Variants in CEP162 observed in about 807,000 individuals in gnomAD.
CEP162 encodes the protein centrosomal protein 162.
CEP162 carries 141 observed loss-of-function variants against 169.2 expected under a neutral mutation model. The observed-to-expected ratio is 0.83, with a 90% CI of 0.73 to 0.96. CEP162 has a LOEUF of 0.96. Among genes scored for constraint, CEP162 ranks in the 40% least tolerant of loss-of-function variants. The pLI is 0.00. For synonymous variants in CEP162, 540 were observed against 526.4 expected, an observed-to-expected ratio of 1.03 and a Z score of -0.35; for missense variants, 1,600 against 1,587.2, an observed-to-expected ratio of 1.01 and a Z score of -0.14.
Position 84,153,169 on chromosome 6 carries a change from T to A in CEP162, c.3005A>T (p.Glu1002Val). The A allele has an allele frequency of 6.3e-7, 1 of 1,590,108 alleles. No individual in the cohort carries two copies. Among genetic ancestry groups the A allele is most frequent in the Non-Finnish European group, 8.5e-7 (1 of 1,172,768 alleles). The change falls in exon 23 of 27, where the codon GAA (glutamate) becomes GTA (valine). Residue 1002 changes from glutamate to valine, a missense_variant. Transcript: ENST00000403245. ...QQFQKMKIQY[E>V]QRLEQQEQLL... ...CTGCTCCTGCTGCTCTAGTCTTTGT[T>A]CATACTGAATCTGAAGGAAAGAATC...
In CEP162 at chr6:84,152,732, T is replaced by TA. The variant is rs1268115065; in HGVS notation, c.3441dup (p.Asn1148Ter). 1 of 1,613,056 alleles carries TA rather than the reference T, an allele frequency of 6.2e-7. No individual in the cohort carries two copies. The highest frequency in any genetic ancestry group is 1.3e-5 in the African/African-American group (1 of 74,882). On this transcript the variant is annotated frameshift_variant, in exon 23 of 27. Transcript: ENST00000403245. LOFTEE classifies it high-confidence loss of function. ...CTGTCCAGGGTTCCAGGGAAGGAGT[T>TA]AGCATTTCCTTTACTTGAGTGCAAA...
At chr6:84,162,404 T>C (rs1462494739) in intron 19 of CEP162, among the ~76,000 whole-genome samples, 3 of 152,174 alleles carry the variant, frequency 2.0e-5, no homozygotes, top group Non-Finnish European at 1.5e-5. Flanking sequence ...GAAGCAAATG[T>C]CATTTTCTTA....
At chr6:84,154,888 C>T (rs2099522552) in intron 22 of CEP162, among the ~76,000 whole-genome samples, 1 of 152,238 alleles carries the variant, frequency 6.6e-6, no homozygotes. Context: ...AGATGCTCCC[C>T]TACCCGCTGT....
Position 84,202,609 on chromosome 6 carries a change from C to A in CEP162, c.688-842G>T, listed in dbSNP as rs1258187003. Reference sequence around the variant, plus strand: ...GTGGCTCAATCTTGGCTCACTGCAACCTCTGCCCCTGGGGTTCGAGCAATT... The same window carrying A: ...GTGGCTCAATCTTGGCTCACTGCAAACTCTGCCCCTGGGGTTCGAGCAATT... On this transcript the variant is annotated intron_variant, in intron 7 of 26. Transcript: ENST00000403245. 4.8e-5 allele frequency among the ~76,000 whole-genome samples: 7 copies of A among 146,058 alleles called. No individual in the cohort carries two copies. In the East Asian group the frequency reaches 6.3e-4, roughly 13 times the overall value.
intron 6 of CEP162, among the ~76,000 whole-genome samples, chr6:84,208,525 T>C (rs1427374016): frequency 6.6e-6 from 1 of 152,172 alleles, no homozygotes; most frequent in East Asian, 1.9e-4. Flanking sequence ...AGACGACAAC[T>C]TGTGTGTAAT....
chr6:84,168,569 C>T (rs945668348), intron 18 of CEP162, among the ~76,000 whole-genome samples: 11 of 152,094 alleles, frequency 7.2e-5, no homozygotes, highest in African/African-American at 2.2e-4. Flanking sequence ...AACTGTACTC[C>T]ACAGGCCGTG....
chr6:84,201,774 TA>T lies in CEP162; in HGVS notation c.688-8del. ...TGCCAGTTTTTTCTTCTTCCTAAAT[TA>T]AAAAAGGAAAATGATGATATGTTTT... is the stretch of plus-strand genomic sequence containing the variant. On this transcript the variant is annotated splice_polypyrimidine_tract_variant and splice_region_variant and intron_variant, in intron 7 of 26. Transcript: ENST00000403245. The T allele has an allele frequency of 3.1e-6, 4 of 1,298,214 alleles. No homozygotes were observed. Among genetic ancestry groups the T allele is most frequent in the Admixed American group, 2.3e-5 (1 of 44,402 alleles). 80.4% of individuals were successfully genotyped at this position (1,298,214 alleles called of 1,614,324 possible).
intron 2 of CEP162, among the ~76,000 whole-genome samples, chr6:84,223,044 G>A (rs1421089186): frequency 3.3e-5 from 5 of 152,148 alleles, no homozygotes; most frequent in Admixed American, 6.5e-5. Context: ...CAATTTATCT[G>A]TAACATAGGC....
In CEP162 at chr6:84,221,128, T is replaced by C. The variant is rs775416158; in HGVS notation, c.101A>G (p.Gln34Arg). Residue 34 changes from glutamine to arginine, a missense_variant, in exon 3 of 27, where the codon CAA becomes CGA. Transcript: ENST00000403245. ...TTTCTTCTTCATCTCTTTTTTAGAT[T>C]GTCTAGCTGTTTTGTCTGAATTTTC... The part of the protein sequence containing the change: ...SFENSDKTAR[Q>R]SKKEMKKKDT... 1 of 1,601,222 alleles carries C rather than the reference T, an allele frequency of 6.2e-7. No homozygotes were observed. The highest frequency in any genetic ancestry group is 8.6e-7 in the Non-Finnish European group (1 of 1,169,134).
chr6:84,188,885 C>A (rs577559580), intron 11 of CEP162, among the ~76,000 whole-genome samples: 27 of 152,186 alleles, frequency 1.8e-4, no homozygotes, highest in African/African-American at 6.3e-4. Context: ...CTGCAACCAG[C>A]ATATTTTTTT....
At chr6:84,131,526 G>C (rs2099511424) in intron 25 of CEP162, among the ~76,000 whole-genome samples, 1 of 152,142 alleles carries the variant, frequency 6.6e-6, no homozygotes, top group Admixed American at 6.5e-5. Flanking sequence ...GAATCTGGGT[G>C]CTCCTGCATT....
At chr6:84,159,523 T>TTTTATATATATATATATATA (rs1244967462) in intron 21 of CEP162, among the ~76,000 whole-genome samples, 3 of 37,140 alleles carry the variant, frequency 8.1e-5, no homozygotes, top group Admixed American at 4.8e-4. Flanking sequence ...AATTAATTAT[T>TTTTATATATATATATATATA]TATATATATA....
chr6:84,157,333 TTACC>T (rs2099523610), intron 21 of CEP162, among the ~76,000 whole-genome samples: 2 of 152,222 alleles, frequency 1.3e-5, no homozygotes, highest in Admixed American at 6.5e-5. Context: ...TATTGTCTAA[TTACC>T]TATGGGTTTA....
chr6:84,127,245 C>T (rs193086655), intron 25 of CEP162, among the ~76,000 whole-genome samples: 30 of 152,114 alleles, frequency 2.0e-4, no homozygotes, highest in Admixed American at 1.2e-3. Flanking sequence ...CATCAAAAGG[C>T]AACAAAAACC....
chr6:84,134,433 C>T (rs994334561), intron 25 of CEP162, among the ~76,000 whole-genome samples: 17 of 152,202 alleles, frequency 1.1e-4, no homozygotes, highest in Non-Finnish European at 1.0e-4. Context: ...TCTGCCCAAA[C>T]GGCCGCCCAG....
rs772401126 is a variant in CEP162 at position 84,126,382 on chromosome 6, T to G, written c.4001A>C (p.Gln1334Pro). The change falls in exon 26 of 27, where the codon CAA (glutamine) becomes CCA (proline). Residue 1334 changes from glutamine (Q) to proline (P), a missense_variant. Transcript: ENST00000403245. ...MRHAQREQEL[Q>P]QIIQQTHQVV... ...TGTAAATGTGATTTACTTTACCTGT[T>G]GAAGTTCCTGTTCTCTTTGTGCATG... 6.3e-7 allele frequency: 1 copy of G among 1,586,388 alleles called. No homozygotes were observed. The highest frequency in any genetic ancestry group is 8.6e-7 in the Non-Finnish European group (1 of 1,169,084).
chr6:84,221,197 T>G (rs751909423), intron 2 of CEP162, 26 bp from the exon 3 acceptor site: 2 of 1,096,918 alleles, frequency 1.8e-6, no homozygotes, highest in Non-Finnish European at 2.8e-6. Context: ...GACATTCAAT[T>G]TGAAAATACA....
intron 13 of CEP162, among the ~76,000 whole-genome samples, chr6:84,178,237 C>T (rs2875396): frequency 0.061 from 9,219 of 151,556 alleles, 913 homozygotes; most frequent in African/African-American, 0.21. Context: ...AAAATTGTTA[C>T]GTTTTTAAGG....
At chr6:84,125,466 T>TGTGTGTG (rs1280400116) in intron 26 of CEP162, among the ~76,000 whole-genome samples, 190 bp from the exon 27 acceptor site, 4 of 152,106 alleles carry the variant, frequency 2.6e-5, no homozygotes, top group African/African-American at 9.7e-5. Context: ...GACTAAATGT[T>TGTGTGTG]TGTGTCCCCC....
Sources: allele counts gnomAD v4.1 joint callset (sites outside exome capture counted in the v4.1 genomes callset), GRCh38; gene constraint gnomAD v4.1.1; transcripts MANE v1.5; gene names NCBI Gene and HGNC (gene_info 2026-07-23, HGNC 2026-07-21).